The following CRYBG1 variants were observed in gnomAD, a reference collection of about 807,000 sequenced individuals.
CRYBG1 encodes the protein beta/gamma crystallin domain-containing protein 1.
In CRYBG1, 139 loss-of-function variants were observed where a neutral mutation model predicts 189.2. The observed-to-expected ratio is 0.73, with a 90% CI of 0.64 to 0.85. CRYBG1 has a LOEUF of 0.85. Ranked by LOEUF, CRYBG1 falls within the 40% of genes least tolerant of loss-of-function variation. The pLI is 0.00. For missense variants in CRYBG1, 2,611 were observed against 2,675.8 expected (o/e 0.98, Z 0.53); for synonymous variants, 1,023 against 1,017.1 (o/e 1.01, Z -0.11).
chr6:106,521,836 G>A (rs1161491575), intron 4 of CRYBG1, among the ~76,000 whole-genome samples: 1 of 146,678 alleles, frequency 6.8e-6, no homozygotes, highest in African/African-American at 2.5e-5. Flanking sequence ...CTTCTGCCTC[G>A]GCTTCCCTAG....
chr6:106,505,175 A>G (rs1447017688), intron 2 of CRYBG1, among the ~76,000 whole-genome samples: 2 of 151,270 alleles, frequency 1.3e-5, no homozygotes, highest in Non-Finnish European at 2.9e-5. Flanking sequence ...GCTTACTGCA[A>G]CCTCCGCCTC....
At chr6:106,433,359 G>C (rs1318943316) in intron 1 of CRYBG1, among the ~76,000 whole-genome samples, 1 of 152,146 alleles carries the variant, frequency 6.6e-6, no homozygotes, top group Non-Finnish European at 1.5e-5. Context: ...ACTAGAAGCT[G>C]TTTGGAAGTC....
At chr6:106,413,763 A>G (rs1024025105) in intron 1 of CRYBG1, among the ~76,000 whole-genome samples, 3 of 152,040 alleles carry the variant, frequency 2.0e-5, no homozygotes, top group African/African-American at 7.2e-5. Flanking sequence ...GGATTTAACT[A>G]CCAAAATTTG....
chr6:106,490,555 C>T (rs75237289), intron 2 of CRYBG1, among the ~76,000 whole-genome samples: 8,818 of 152,228 alleles, frequency 0.058, 315 homozygotes, highest in East Asian at 0.087. Context: ...ATCTGTGACT[C>T]GTAGCTGAAA....
intron 2 of CRYBG1, among the ~76,000 whole-genome samples, chr6:106,458,524 A>G (rs1203628982): frequency 6.6e-6 from 1 of 152,176 alleles, no homozygotes; most frequent in Non-Finnish European, 1.5e-5. Flanking sequence ...GGAAGCCCTA[A>G]GGATCAGACT....
intron 20 of CRYBG1, 34 bp downstream of exon 20, chr6:106,561,534 G>A (rs1488913753): frequency 1.3e-6 from 2 of 1,591,146 alleles, no homozygotes; most frequent in Non-Finnish European, 1.7e-6. Flanking sequence ...GCCTGTGATG[G>A]CTTTGCTAGG....
Position 106,428,902 on chromosome 6 carries a change from T to G in CRYBG1, c.174-22792T>G, listed in dbSNP as rs74374865. ...ATCAGGTGTTCTCAGTTGAGGCATCTTCTCCAACTTTTTATCAGATAAACC... is the reference window on the plus strand; with the variant it reads ...ATCAGGTGTTCTCAGTTGAGGCATCGTCTCCAACTTTTTATCAGATAAACC... On this transcript the variant is annotated intron_variant, in intron 1 of 21. Coordinates refer to ENST00000633556, the MANE Select transcript of CRYBG1 (RefSeq NM_001371242.2). 3.9e-3 allele frequency among the ~76,000 whole-genome samples: 594 copies of G among 152,352 alleles called. 1 individual carries two copies. The highest frequency in any genetic ancestry group is 0.014 in the African/African-American group (569 of 41,580).
intron 1 of CRYBG1, among the ~76,000 whole-genome samples, chr6:106,421,288 C>T (rs1245943222): frequency 6.6e-6 from 1 of 152,156 alleles, no homozygotes; most frequent in African/African-American, 2.4e-5. Context: ...GATGAGGCAG[C>T]AGTTGGCTGG....
In CRYBG1 at chr6:106,530,291, G is replaced by A; in HGVS notation, c.4694G>A (p.Cys1565Tyr). The A allele has an allele frequency of 6.2e-7, 1 of 1,608,210 alleles. No homozygotes were observed. Among genetic ancestry groups the A allele is most frequent in the Non-Finnish European group, 8.5e-7 (1 of 1,177,878 alleles). ...GGATTTGGTGTAATGCAGAAGACTT[G>A]TTCCATGAAAGTACATTGGGGCACG... ...MQGFGVMQKT[C>Y]SMKVHWGTWL... is the part of the protein sequence containing the mutation. The change falls in exon 8 of 22, where the codon TGT becomes TAT. Residue 1565 changes from cysteine to tyrosine, a missense_variant. Cys to Tyr is a radical substitution (Grantham distance 194, BLOSUM62 -2). Coordinates refer to ENST00000633556, the MANE Select transcript of CRYBG1 (RefSeq NM_001371242.2).
chr6:106,369,216 T>C (rs528115403), intron 1 of CRYBG1, among the ~76,000 whole-genome samples: 11 of 152,334 alleles, frequency 7.2e-5, no homozygotes, highest in African/African-American at 2.6e-4. Context: ...TGGCATGTTA[T>C]AGACAAGTAA....
intron 2 of CRYBG1, among the ~76,000 whole-genome samples, chr6:106,463,240 A>C (rs1434569291): frequency 7.3e-6 from 1 of 136,302 alleles, no homozygotes; most frequent in African/African-American, 2.8e-5. Context: ...GGCAGGAAAG[A>C]AAAAAAAAAA....
chr6:106,474,743 TAGG>T lies in CRYBG1; in HGVS notation c.312+22915_312+22917del, dbSNP rs141642828. Reference sequence around the variant, plus strand: ...AAGCTGAGTTGTCCATGGGCAGGCGTAGGAGGTCACTTGTAGTGTGGAATGGAG... The same window carrying T: ...AAGCTGAGTTGTCCATGGGCAGGCGTAGGTCACTTGTAGTGTGGAATGGAG... On this transcript the variant is annotated intron_variant, in intron 2 of 21. Transcript: ENST00000633556. Among the ~76,000 whole-genome samples the T allele has an allele frequency of 2.8e-4, 43 of 152,030 alleles. No individual in the cohort carries two copies. The East Asian group carries it at 7.2e-3, about 25-fold the overall frequency.
intron 1 of CRYBG1, among the ~76,000 whole-genome samples, chr6:106,441,479 A>G (rs1330974052): frequency 6.6e-6 from 1 of 152,240 alleles, no homozygotes; most frequent in Non-Finnish European, 1.5e-5. Flanking sequence ...TATTGTCTTC[A>G]GTCAGCAAAA....
rs762928690 is a variant in CRYBG1 at position 106,555,917 on chromosome 6, T to C, written c.5715+20T>C. 1 of 1,614,084 alleles carries C rather than the reference T, an allele frequency of 6.2e-7. No individual in the cohort carries two copies. The highest frequency in any genetic ancestry group is 8.5e-7 in the Non-Finnish European group (1 of 1,179,926). On this transcript the variant is annotated intron_variant, in intron 17 of 21. Coordinates refer to ENST00000633556, the MANE Select transcript of CRYBG1 (RefSeq NM_001371242.2). ...GATGTTGTAAGTATGTCATTGTGAATAGTGTTGCAGAAATGTATGCCTCAT... is the reference window on the plus strand; with the variant it reads ...GATGTTGTAAGTATGTCATTGTGAACAGTGTTGCAGAAATGTATGCCTCAT...
chr6:106,452,244 T>TG (rs746117372), intron 2 of CRYBG1, among the ~76,000 whole-genome samples: 5,341 of 108,764 alleles, frequency 0.049, 296 homozygotes, highest in East Asian at 0.17. Flanking sequence ...CAGACTCTAC[T>TG]AAAAAAAAAA....
chr6:106,440,263 TCTCTC>T (rs138214586), intron 1 of CRYBG1, among the ~76,000 whole-genome samples: 12,884 of 133,156 alleles, frequency 0.097, 585 homozygotes, highest in East Asian at 0.18. Context: ...TCTCTCTCTC[TCTCTC>T]TTTTTTTTTC....
Position 106,406,265 on chromosome 6 carries a change from A to G in CRYBG1, c.173+45184A>G, listed in dbSNP as rs182517843. Reference sequence around the variant, plus strand: ...TAAATAGCCGAATCGATCAAGTGGAAGAAAGGATATCAGAGATTGAAGATC... The same window carrying G: ...TAAATAGCCGAATCGATCAAGTGGAGGAAAGGATATCAGAGATTGAAGATC... On this transcript the variant is annotated intron_variant, in intron 1 of 21. Transcript: ENST00000633556. Among the ~76,000 whole-genome samples, 11 of 152,314 alleles carry G rather than the reference A, an allele frequency of 7.2e-5. No individual in the cohort carries two copies. In the East Asian group the frequency reaches 2.1e-3, roughly 29 times the overall value.
intron 1 of CRYBG1, among the ~76,000 whole-genome samples, chr6:106,405,998 CA>C (rs549789101): frequency 3.5e-4 from 53 of 152,144 alleles, no homozygotes; most frequent in African/African-American, 1.3e-3. Flanking sequence ...TCTTCGCCAG[CA>C]AGGGAACAAA....
chr6:106,568,447 C>A (rs767755137), intron 21 of CRYBG1, 25 bp from the exon 22 acceptor site: 3 of 1,573,558 alleles, frequency 1.9e-6, no homozygotes, highest in Non-Finnish European at 1.7e-6. Context: ...GTACATTCAT[C>A]TTTTATTATT....
Sources: allele counts gnomAD v4.1 joint callset (sites outside exome capture counted in the v4.1 genomes callset), GRCh38; gene constraint gnomAD v4.1.1; transcripts MANE v1.5; gene names NCBI Gene and HGNC (gene_info 2026-07-23, HGNC 2026-07-21).